Variants in UGT2A1 observed in about 807,000 individuals in gnomAD.
UGT2A1 encodes the protein UDP-glucuronosyltransferase 2A1.
A neutral mutation model predicts 45.4 loss-of-function variants in UGT2A1; 61 were observed. That is an observed-to-expected ratio of 1.34 (90% CI 1.09 to 1.66). UGT2A1 has a LOEUF of 1.66. UGT2A1 is among the 40% of genes most tolerant of loss of function. UGT2A1 has a pLI of 0.00. For missense variants in UGT2A1, 649 were observed against 574.3 expected (o/e 1.13, Z -1.33); for synonymous variants, 229 against 196.2 (o/e 1.17, Z -1.40).
rs763752638 is a variant in UGT2A1, at chr4:69,599,378, T to A, written c.864A>T (p.Leu288Phe). Residue 288 changes from leucine to phenylalanine, a missense_variant, in exon 4 of 7, where the codon TTA becomes TTT. By Grantham distance (22) the Leu-to-Phe change is conservative. Transcript: ENST00000286604. Reference sequence around the variant, plus strand: ...TTTCAGCTTTCCCCATAGTCTCACATAACGTAGTGGGTCTTCCTGGAGAAA... The same window carrying A: ...TTTCAGCTTTCCCCATAGTCTCACAAAACGTAGTGGGTCTTCCTGGAGAAA... ...YRLPAGRPTTLCETMGKAEIW... is the reference protein window; with the variant it reads ...YRLPAGRPTTFCETMGKAEIW... 3 of 1,613,680 alleles carry A rather than the reference T, an allele frequency of 1.9e-6. No individual in the cohort carries two copies. The Admixed American group carries it at 5.0e-5, about 27-fold the overall frequency.
intron 3 of UGT2A1, among the ~76,000 whole-genome samples, chr4:69,608,271 G>T (rs1365699835): frequency 6.6e-6 from 1 of 151,988 alleles, no homozygotes; most frequent in Non-Finnish European, 1.5e-5. Flanking sequence ...TCCTTTGCAG[G>T]GACATGGATG....
intron 3 of UGT2A1, among the ~76,000 whole-genome samples, chr4:69,605,035 A>G (rs1719523827): frequency 7.3e-6 from 1 of 136,508 alleles, no homozygotes; most frequent in African/African-American, 3.0e-5. Flanking sequence ...TAACAAGTAT[A>G]TCCAGGAATT....
chr4:69,627,635 T>C (rs575728851), intron 3 of UGT2A1, among the ~76,000 whole-genome samples: 1 of 148,984 alleles, frequency 6.7e-6, no homozygotes, highest in African/African-American at 2.5e-5. Flanking sequence ...AAAAAGAAAA[T>C]CTCCTAAGGC....
rs147218113 is a variant in UGT2A1 at position 69,596,981 on chromosome 4, C to T, written c.997-1732G>A. Among the ~76,000 whole-genome samples, 435 of 152,314 alleles carry T rather than the reference C, an allele frequency of 2.9e-3. 2 individuals are homozygous for T. The highest frequency in any genetic ancestry group is 9.9e-3 in the African/African-American group (411 of 41,574). On this transcript the variant is annotated intron_variant, in intron 4 of 6. Coordinates refer to ENST00000286604, the MANE Select transcript of UGT2A1 (RefSeq NM_001252275.3). ...CTAACTGAAATTGTTACCCCCAAGGCTTAATTTAACCAATCAACAGGGTTG... is the reference window on the plus strand; with the variant it reads ...CTAACTGAAATTGTTACCCCCAAGGTTTAATTTAACCAATCAACAGGGTTG...
intron 6 of UGT2A1, among the ~76,000 whole-genome samples, chr4:69,591,980 TA>T (rs1239596563): frequency 6.6e-6 from 1 of 152,138 alleles, no homozygotes; most frequent in Non-Finnish European, 1.5e-5. Flanking sequence ...TACGTATTAA[TA>T]AAAGTCAATT....
intron 6 of UGT2A1, among the ~76,000 whole-genome samples, chr4:69,591,186 A>G (rs1400682007): frequency 6.6e-6 from 1 of 152,192 alleles, no homozygotes; most frequent in Non-Finnish European, 1.5e-5. Flanking sequence ...GTAGCAAAAT[A>G]TGAGTGACCA....
intron 2 of UGT2A1, among the ~76,000 whole-genome samples, chr4:69,640,167 G>T (rs1006418124): frequency 1.3e-5 from 2 of 151,992 alleles, no homozygotes; most frequent in Admixed American, 1.3e-4. Context: ...CACAGACTTT[G>T]TTATTCAGAG....
intron 2 of UGT2A1, among the ~76,000 whole-genome samples, chr4:69,643,270 A>C (rs1390142221): frequency 6.6e-6 from 1 of 151,680 alleles, no homozygotes; most frequent in Non-Finnish European, 1.5e-5. Flanking sequence ...TGAAAAGAAG[A>C]AAAGCGTTCA....
chr4:69,612,907 G>GAAA (rs34670944), intron 3 of UGT2A1, among the ~76,000 whole-genome samples: 18,487 of 139,776 alleles, frequency 0.13, 1,462 homozygotes, highest in Non-Finnish European at 0.17. Context: ...AACCTCTGCA[G>GAAA]AAAAAAAAAA....
intron 4 of UGT2A1, 97 bp from the exon 5 acceptor site, chr4:69,595,346 A>T: frequency 1.4e-6 from 2 of 1,403,178 alleles, no homozygotes; most frequent in South Asian, 2.5e-5. Context: ...AGCTACTTGG[A>T]AGACGGGAAT....
intron 2 of UGT2A1, among the ~76,000 whole-genome samples, chr4:69,637,433 G>C (rs1721773434): frequency 1.3e-5 from 2 of 152,106 alleles, no homozygotes; most frequent in South Asian, 4.1e-4. Flanking sequence ...GTAAGAGTAA[G>C]ATCAAGTTAG....
chr4:69,616,090 G>C (rs1720363721), intron 3 of UGT2A1, among the ~76,000 whole-genome samples: 1 of 151,938 alleles, frequency 6.6e-6, no homozygotes, highest in African/African-American at 2.4e-5. Context: ...GTTTCCTCCA[G>C]TTAAGTCAAA....
chr4:69,644,514 G>C (rs1024119707), intron 2 of UGT2A1, among the ~76,000 whole-genome samples: 5 of 151,648 alleles, frequency 3.3e-5, no homozygotes, highest in African/African-American at 1.2e-4. Context: ...AGGAGATTTT[G>C]CCATCTTGAC....
Position 69,595,305 on chromosome 4 carries a change from G to T in UGT2A1, c.997-56C>A. 3.8e-6 allele frequency: 6 copies of T among 1,586,434 alleles called. No homozygotes were observed. In the East Asian group the frequency reaches 1.3e-4, roughly 36 times the overall value. On this transcript the variant is annotated intron_variant, in intron 4 of 6. Transcript: ENST00000286604. The stretch of plus-strand genomic sequence containing the variant: ...GAAAAACACAATGAGGACATTTTAA[G>T]TTGGGAGAATTATTTAGAAATCATT...
chr4:69,597,839 G>A (rs534039694), intron 4 of UGT2A1, among the ~76,000 whole-genome samples: 4 of 152,106 alleles, frequency 2.6e-5, no homozygotes, highest in Non-Finnish European at 4.4e-5. Flanking sequence ...AGTGATTGGC[G>A]TAATTATTTC....
intron 3 of UGT2A1, among the ~76,000 whole-genome samples, chr4:69,623,975 C>T (rs1008644974): frequency 6.6e-6 from 1 of 151,540 alleles, no homozygotes; most frequent in African/African-American, 2.4e-5. Flanking sequence ...TGAAATGTAA[C>T]AAAAACATGT....
chr4:69,643,209 A>G (rs1722118672), intron 2 of UGT2A1, among the ~76,000 whole-genome samples: 1 of 151,636 alleles, frequency 6.6e-6, no homozygotes, highest in African/African-American at 2.4e-5. Context: ...TCATTTGACA[A>G]ATCAAAAATA....
At chr4:69,646,783 ATCT>A (rs1446634454) in intron 2 of UGT2A1, 144 bp downstream of exon 2, 1 of 542,410 alleles carries the variant, frequency 1.8e-6, no homozygotes, top group Non-Finnish European at 3.1e-6. Context: ...AATGTCTTTT[ATCT>A]TCTTTTCTGC....
intron 3 of UGT2A1, among the ~76,000 whole-genome samples, chr4:69,635,275 C>T (rs1039469635): frequency 1.3e-5 from 2 of 151,952 alleles, no homozygotes; most frequent in Non-Finnish European, 2.9e-5. Flanking sequence ...ATTTTACCAG[C>T]CAAGTGTCAC....
Sources: gnomAD v4.1 joint callset for allele counts (sites outside exome capture counted in the v4.1 genomes callset) on GRCh38, gnomAD v4.1.1 for gene constraint, MANE v1.5 for transcripts, NCBI Gene and HGNC (gene_info 2026-07-23, HGNC 2026-07-21) for gene names.